NRXN3: variants seen among roughly 807,000 people sequenced by gnomAD.
NRXN3 encodes neurexin 3.
A neutral mutation model predicts 137.6 loss-of-function variants in NRXN3; 32 were observed. The observed-to-expected ratio is 0.23, with a 90% CI of 0.18 to 0.31. The LOEUF (loss-of-function observed/expected upper bound fraction) is 0.31, where lower values mean the gene tolerates loss of function less well. Ranked by LOEUF, NRXN3 falls within the 10% of genes least tolerant of loss-of-function variation. NRXN3 has a pLI of 1.00. For synonymous variants in NRXN3, 798 were observed against 784.5 expected (o/e 1.02, Z -0.29); for missense variants, 1,574 against 2,062.5 (o/e 0.76, Z 4.59).
In NRXN3 at chr14:78,815,912, A is replaced by G. The variant is rs913043416; in HGVS notation, c.2275+5568A>G. Among the ~76,000 whole-genome samples the G allele has an allele frequency of 3.5e-4, 54 of 152,192 alleles. 1 individual carries two copies. Among genetic ancestry groups the G allele is most frequent in the African/African-American group, 1.3e-3 (53 of 41,456 alleles). On this transcript the variant is annotated intron_variant, in intron 10 of 20. Transcript: ENST00000335750. Reference sequence around the variant, plus strand: ...AGCCATTTACCTGGTGATGCCACTTATTAGAATCTTAGCAGAGATGGAAAA... The same window carrying G: ...AGCCATTTACCTGGTGATGCCACTTGTTAGAATCTTAGCAGAGATGGAAAA...
intron 4 of NRXN3, among the ~76,000 whole-genome samples, chr14:78,593,571 TG>T (rs1174118239): frequency 6.6e-6 from 1 of 152,208 alleles, no homozygotes; most frequent in Non-Finnish European, 1.5e-5. Flanking sequence ...CTTTTAACAA[TG>T]TGGATGTGCC....
At chr14:78,213,907 C>T (rs2062996613) in intron 1 of NRXN3, among the ~76,000 whole-genome samples, 1 of 152,180 alleles carries the variant, frequency 6.6e-6, no homozygotes, top group African/African-American at 2.4e-5. Context: ...ACTCAGTGTC[C>T]AAGCAAGTGG....
At chr14:79,509,938 GC>G (rs1221566045) in intron 16 of NRXN3, among the ~76,000 whole-genome samples, 1 of 152,058 alleles carries the variant, frequency 6.6e-6, no homozygotes, top group Admixed American at 6.6e-5. Flanking sequence ...CATAGTTAAG[GC>G]CTTTCATGCA....
intron 4 of NRXN3, among the ~76,000 whole-genome samples, chr14:78,493,101 A>T (rs557545875): frequency 1.1e-4 from 17 of 152,264 alleles, no homozygotes; most frequent in African/African-American, 3.9e-4. Flanking sequence ...AGGAATTGCT[A>T]CAGATGGTTG....
chr14:78,595,009 G>A (rs1464137114), intron 4 of NRXN3, among the ~76,000 whole-genome samples: 1 of 152,184 alleles, frequency 6.6e-6, no homozygotes, highest in Non-Finnish European at 1.5e-5. Flanking sequence ...TATAGGCTAT[G>A]GTGGTGAGCA....
intron 4 of NRXN3, among the ~76,000 whole-genome samples, chr14:78,358,969 T>C (rs2084723137): frequency 6.6e-6 from 1 of 152,186 alleles, no homozygotes; most frequent in African/African-American, 2.4e-5. Flanking sequence ...GTTTGTATGG[T>C]AATACATGTA....
intron 16 of NRXN3, among the ~76,000 whole-genome samples, chr14:79,467,996 A>G (rs1366208459): frequency 2.0e-5 from 3 of 152,262 alleles, no homozygotes; most frequent in Non-Finnish European, 4.4e-5. Context: ...GGCTTCAAGC[A>G]TCACTGTAAG....
chr14:79,220,824 A>AGTATACCTATGTATAC (rs1568656302), intron 15 of NRXN3, among the ~76,000 whole-genome samples: 4 of 152,068 alleles, frequency 2.6e-5, no homozygotes, highest in Non-Finnish European at 4.4e-5. Flanking sequence ...TTACATAGGT[A>AGTATACCTATGTATAC]TACACGTGCC....
intron 15 of NRXN3, among the ~76,000 whole-genome samples, chr14:79,423,857 T>C (rs942651865): frequency 6.6e-6 from 1 of 152,210 alleles, no homozygotes; most frequent in East Asian, 1.9e-4. Context: ...GGCTCTGAAA[T>C]ATTCTTTTTC....
intron 16 of NRXN3, among the ~76,000 whole-genome samples, chr14:79,565,348 C>CACACATATTCTGT (rs1382372387): frequency 7.0e-6 from 1 of 142,064 alleles, no homozygotes; most frequent in African/African-American, 2.5e-5. Context: ...CATATGTGTG[C>CACACATATTCTGT]GTATATGTAT....
intron 10 of NRXN3, among the ~76,000 whole-genome samples, chr14:78,821,372 A>G (rs1477199220): frequency 2.0e-5 from 3 of 152,120 alleles, no homozygotes; most frequent in Non-Finnish European, 4.4e-5. Flanking sequence ...AGACCTGCTT[A>G]TTTCCTGTGA....
chr14:78,482,161 T>C (rs961224775), intron 4 of NRXN3, among the ~76,000 whole-genome samples: 6 of 152,198 alleles, frequency 3.9e-5, no homozygotes, highest in African/African-American at 1.4e-4. Flanking sequence ...CTACTATATC[T>C]TTTCTCAAAC....
chr14:78,267,066 A>C (rs1345464136), intron 2 of NRXN3, among the ~76,000 whole-genome samples: 1 of 152,188 alleles, frequency 6.6e-6, no homozygotes, highest in African/African-American at 2.4e-5. Context: ...AGTTCTTTCT[A>C]TCCCAGGCCC....
intron 4 of NRXN3, among the ~76,000 whole-genome samples, chr14:78,335,466 C>T (rs2081352356): frequency 6.6e-6 from 1 of 152,246 alleles, no homozygotes. Flanking sequence ...TTCTGTCACT[C>T]TCCCCTATCT....
chr14:78,957,468 C>T (rs938868909), intron 11 of NRXN3, 107 bp downstream of exon 11: 50 of 1,297,324 alleles, frequency 3.9e-5, no homozygotes, highest in African/African-American at 1.2e-4. Flanking sequence ...TAGTAGAAGT[C>T]ACAAATCATG....
intron 15 of NRXN3, among the ~76,000 whole-genome samples, chr14:79,234,381 A>T (rs1004587094): frequency 1.6e-5 from 2 of 127,400 alleles, no homozygotes; most frequent in Admixed American, 1.8e-4. Context: ...GTAGCTCTTT[A>T]TTATTATTAT....
At chr14:79,581,099 C>CT (rs1244736358) in intron 16 of NRXN3, among the ~76,000 whole-genome samples, 2 of 152,110 alleles carry the variant, frequency 1.3e-5, no homozygotes, top group Non-Finnish European at 2.9e-5. Flanking sequence ...GCTGGCTTCT[C>CT]TTTCAGCACA....
chr14:78,404,392 C>T (rs547331722), intron 4 of NRXN3, among the ~76,000 whole-genome samples: 17 of 152,072 alleles, frequency 1.1e-4, no homozygotes, highest in Non-Finnish European at 2.2e-4. Context: ...TCAGGCTTGT[C>T]AGATACTATT....
chr14:79,492,340 T>G (rs1334153380), intron 16 of NRXN3, among the ~76,000 whole-genome samples: 1 of 152,160 alleles, frequency 6.6e-6, no homozygotes, highest in Non-Finnish European at 1.5e-5. Flanking sequence ...AAAGTTACTT[T>G]GCAAGGTATT....
Sources: allele counts gnomAD v4.1 joint callset (sites outside exome capture counted in the v4.1 genomes callset), GRCh38; gene constraint gnomAD v4.1.1; transcripts MANE v1.5; gene names NCBI Gene and HGNC (gene_info 2026-07-23, HGNC 2026-07-21).